CNTNAP2: variants seen among roughly 807,000 people sequenced by gnomAD.
CNTNAP2 encodes the protein contactin associated protein 2, also known as contactin-associated protein-like 2.
A neutral mutation model predicts 155.2 loss-of-function variants in CNTNAP2; 98 were observed. That is an observed-to-expected ratio of 0.63 (90% CI 0.54 to 0.75). The LOEUF (loss-of-function observed/expected upper bound fraction) is 0.75, where lower values mean the gene tolerates loss of function less well. Among genes scored for constraint, CNTNAP2 ranks in the 30% least tolerant of loss-of-function variants. The pLI is 0.00. For synonymous variants in CNTNAP2, 651 were observed against 631.2 expected (o/e 1.03, Z -0.47); for missense variants, 1,727 against 1,688.1 (o/e 1.02, Z -0.40).
Position 147,038,370 on chromosome 7 carries a change from T to A in CNTNAP2, c.403-5537T>A, listed in dbSNP as rs117400841. 6.6e-3 allele frequency among the ~76,000 whole-genome samples: 1,004 copies of A among 152,332 alleles called. 8 individuals are homozygous for A. Among genetic ancestry groups the A allele is most frequent in the Non-Finnish European group, 0.011 (766 of 68,014 alleles). ...AGTATATCTAAATCTTCACTAATTA[T>A]CTTTCCCTTCAAATATTGTTGTATT... On this transcript the variant is annotated intron_variant, in intron 3 of 23. Transcript: ENST00000361727.
At chr7:146,256,563 G>T (rs1427019785) in intron 1 of CNTNAP2, among the ~76,000 whole-genome samples, 1 of 151,438 alleles carries the variant, frequency 6.6e-6, no homozygotes, top group African/African-American at 2.4e-5. Flanking sequence ...ATACATTTTA[G>T]AATGATAATT....
intron 1 of CNTNAP2, among the ~76,000 whole-genome samples, chr7:146,214,792 T>C (rs1799088829): frequency 6.6e-6 from 1 of 152,088 alleles, no homozygotes; most frequent in African/African-American, 2.4e-5. Context: ...CCCAGAAAAA[T>C]AACATTAGTA....
At chr7:146,673,341 A>G (rs1800341654) in intron 1 of CNTNAP2, among the ~76,000 whole-genome samples, 1 of 152,226 alleles carries the variant, frequency 6.6e-6, no homozygotes, top group South Asian at 2.1e-4. Flanking sequence ...ATAATATGTC[A>G]TACATAAAGA....
intron 13 of CNTNAP2, among the ~76,000 whole-genome samples, chr7:147,740,445 AC>A (rs1251395261): frequency 6.6e-6 from 1 of 152,186 alleles, no homozygotes; most frequent in Admixed American, 6.5e-5. Flanking sequence ...CAACAAACCC[AC>A]TGAGGCTTGG....
chr7:146,183,606 A>AAATAAT (rs55823511), intron 1 of CNTNAP2, among the ~76,000 whole-genome samples: 4,182 of 143,386 alleles, frequency 0.029, 82 homozygotes, highest in African/African-American at 0.05. Context: ...ATCACCACAC[A>AAATAAT]AATAATAATA....
chr7:147,777,496 C>A (rs1276206239), intron 13 of CNTNAP2, among the ~76,000 whole-genome samples: 2 of 152,150 alleles, frequency 1.3e-5, no homozygotes, highest in Non-Finnish European at 2.9e-5. Flanking sequence ...AGCCCGGTTC[C>A]CCTGTTGAGG....
chr7:147,551,175 CATT>C (rs1388427251), intron 11 of CNTNAP2, among the ~76,000 whole-genome samples: 1 of 152,118 alleles, frequency 6.6e-6, no homozygotes, highest in African/African-American at 2.4e-5. Context: ...TCAGGTATAT[CATT>C]ATCAGGTTCA....
At position 146,700,535 on chromosome 7, in the gene CNTNAP2, G is replaced by T. The variant is rs76642229; in HGVS notation, c.98-73736G>T. On this transcript the variant is annotated intron_variant, in intron 1 of 23. Transcript: ENST00000361727. Reference sequence around the variant, plus strand: ...AATTATACCTAAAGGCATTGTACATGTATGTTTATAAAAACTACCTGTGAC... The same window carrying T: ...AATTATACCTAAAGGCATTGTACATTTATGTTTATAAAAACTACCTGTGAC... Among the ~76,000 whole-genome samples, 1,010 of 152,122 alleles carry T rather than the reference G, an allele frequency of 6.6e-3. 14 individuals carry two copies. Among genetic ancestry groups the T allele is most frequent in the African/African-American group, 0.022 (932 of 41,488 alleles).
chr7:146,988,702 A>G (rs997397691), intron 3 of CNTNAP2, among the ~76,000 whole-genome samples: 1 of 152,218 alleles, frequency 6.6e-6, no homozygotes, highest in Non-Finnish European at 1.5e-5. Context: ...CCATTTGAAC[A>G]CATGACTAAT....
Position 148,333,301 on chromosome 7 carries a change from G to A in CNTNAP2, c.3476-50348G>A, listed in dbSNP as rs180936007. Among the ~76,000 whole-genome samples the A allele has an allele frequency of 5.2e-3, 792 of 152,048 alleles. 8 individuals carry two copies. Among genetic ancestry groups the A allele is most frequent in the African/African-American group, 0.017 (723 of 41,408 alleles). On this transcript the variant is annotated intron_variant, in intron 21 of 23. Coordinates refer to ENST00000361727, the MANE Select transcript of CNTNAP2 (RefSeq NM_014141.6). ...AAATTAGCCAGGCATGGTGGCACAC[G>A]CCTGTAATCCCAGCTACTCGGGAGG... is the stretch of plus-strand genomic sequence containing the variant.
At chr7:147,583,991 A>G (rs1563008551) in intron 12 of CNTNAP2, among the ~76,000 whole-genome samples, 1 of 152,128 alleles carries the variant, frequency 6.6e-6, no homozygotes. Flanking sequence ...TTCTGGAGAC[A>G]ATAGAGGCTC....
chr7:146,713,069 C>A (rs1801126692), intron 1 of CNTNAP2, among the ~76,000 whole-genome samples: 1 of 151,870 alleles, frequency 6.6e-6, no homozygotes, highest in Admixed American at 6.6e-5. Context: ...GTTTTCAAAA[C>A]TAAAACTTAT....
chr7:147,670,650 G>A (rs957658811), intron 13 of CNTNAP2, among the ~76,000 whole-genome samples: 1 of 152,140 alleles, frequency 6.6e-6, no homozygotes, highest in African/African-American at 2.4e-5. Context: ...ATGGCCAGAC[G>A]TCAGGGGAAG....
At chr7:146,671,826 A>AT (rs879483163) in intron 1 of CNTNAP2, among the ~76,000 whole-genome samples, 13 of 150,412 alleles carry the variant, frequency 8.6e-5, no homozygotes, top group Admixed American at 3.3e-4. Context: ...TTTTATTTTT[A>AT]TTTTTTTTTG....
chr7:148,068,648 C>T (rs1185646808), intron 15 of CNTNAP2, among the ~76,000 whole-genome samples: 4 of 152,168 alleles, frequency 2.6e-5, no homozygotes, highest in Non-Finnish European at 4.4e-5. Context: ...TGAGGTGAGA[C>T]CAGCACAGCC....
intron 11 of CNTNAP2, among the ~76,000 whole-genome samples, chr7:147,489,028 T>A (rs1798559794): frequency 6.6e-6 from 1 of 152,234 alleles, no homozygotes; most frequent in South Asian, 2.1e-4. Context: ...ATTGCCCAAA[T>A]CACACAATGT....
intron 8 of CNTNAP2, among the ~76,000 whole-genome samples, chr7:147,272,330 T>G (rs1313489852): frequency 7.4e-6 from 1 of 135,658 alleles, no homozygotes; most frequent in East Asian, 2.2e-4. Context: ...ACTTCAGTAC[T>G]AAACTCTAAA....
chr7:147,360,885 G>A (rs1796137393), intron 9 of CNTNAP2, among the ~76,000 whole-genome samples: 2 of 152,102 alleles, frequency 1.3e-5, no homozygotes, highest in Non-Finnish European at 2.9e-5. Flanking sequence ...GGTCGCAGAA[G>A]GGGTCAGAGA....
chr7:148,087,074 G>A (rs79774938), intron 15 of CNTNAP2, among the ~76,000 whole-genome samples: 3,846 of 152,180 alleles, frequency 0.025, 75 homozygotes, highest in Non-Finnish European at 0.039. Flanking sequence ...ATAATGCATT[G>A]AGTCTACCTT....
Sources: gnomAD v4.1 joint callset for allele counts (sites outside exome capture counted in the v4.1 genomes callset) on GRCh38, gnomAD v4.1.1 for gene constraint, MANE v1.5 for transcripts, NCBI Gene and HGNC (gene_info 2026-07-23, HGNC 2026-07-21) for gene names.